Variants in LANCL2 observed in about 807,000 individuals in gnomAD.
LANCL2 encodes the protein LanC like glutathione S-transferase 2, also known as lanC-like protein 2.
A neutral mutation model predicts 56.9 loss-of-function variants in LANCL2; 33 were observed. The ratio of observed to expected loss-of-function variants is 0.58; its 90% CI spans 0.44 to 0.78. The LOEUF is 0.78. LANCL2 is among the 30% of genes least tolerant of loss of function. The pLI, the probability that LANCL2 is intolerant of heterozygous loss-of-function variation, is 0.00. For synonymous variants in LANCL2, 233 were observed against 228.2 expected (o/e 1.02, Z -0.19); for missense variants, 562 against 580.2 (o/e 0.97, Z 0.32).
At chr7:55,370,407 G>T (rs868386280) in intron 1 of LANCL2, among the ~76,000 whole-genome samples, 21 of 152,174 alleles carry the variant, frequency 1.4e-4, no homozygotes, top group Non-Finnish European at 2.8e-4. Flanking sequence ...CAAGTGGAGG[G>T]GTTATACAGG....
In LANCL2 at chr7:55,398,536, A is replaced by G; in HGVS notation, c.436A>G (p.Thr146Ala). ...TLRNLNGRRV[T>A]FLCGDAGPLA... is the part of the protein sequence containing the mutation. ...TCGGAATCTGAATGGCCGCAGGGTC[A>G]CCTTCCTCTGTGGGGATGCTGGCCC... Residue 146 changes from threonine (T) to alanine (A), a missense_variant, in exon 3 of 9, where the codon ACC (threonine) becomes GCC (alanine). By Grantham distance (58) the Thr-to-Ala change is moderately conservative. Coordinates refer to ENST00000254770, the MANE Select transcript of LANCL2 (RefSeq NM_018697.4). The G allele has an allele frequency of 6.2e-7, 1 of 1,614,168 alleles. No individual in the cohort carries two copies. Among genetic ancestry groups the G allele is most frequent in the South Asian group, 1.1e-5 (1 of 91,074 alleles).
rs940861256 is a variant in LANCL2 at position 55,398,431 on chromosome 7, C to T, written c.331C>T (p.Leu111Phe). The part of the protein sequence containing the change: ...SAYTGWTGIA[L>F]LYLQLYRVTC... ...GTGGGAAATTATTCCAGGCATAGCCCTTTTGTACCTGCAGTTGTACCGGGT... is the reference window on the plus strand; with the variant it reads ...GTGGGAAATTATTCCAGGCATAGCCTTTTTGTACCTGCAGTTGTACCGGGT... The change falls in exon 3 of 9, where the codon CTT (leucine) becomes TTT (phenylalanine). Residue 111 changes from leucine to phenylalanine, a missense_variant. Transcript: ENST00000254770. The T allele has an allele frequency of 1.2e-6, 2 of 1,613,498 alleles. No individual in the cohort carries two copies. Among genetic ancestry groups the T allele is most frequent in the Non-Finnish European group, 1.7e-6 (2 of 1,179,450 alleles).
intron 1 of LANCL2, among the ~76,000 whole-genome samples, chr7:55,390,294 C>T (rs190140764): frequency 9.2e-5 from 14 of 152,186 alleles, no homozygotes; most frequent in African/African-American, 2.9e-4. Flanking sequence ...ATTAATAGAG[C>T]AAGTAGATTT....
intron 5 of LANCL2, among the ~76,000 whole-genome samples, chr7:55,405,190 CA>C (rs11315267): frequency 0.36 from 54,828 of 152,032 alleles, 10,392 homozygotes; most frequent in East Asian, 0.55. Context: ...CCAGGGGAGC[CA>C]AATCCCAGTC....
At chr7:55,424,707 G>A (rs537321288) in intron 6 of LANCL2, among the ~76,000 whole-genome samples, 2 of 152,338 alleles carry the variant, frequency 1.3e-5, no homozygotes, top group South Asian at 2.1e-4. Context: ...CTGTGAATTG[G>A]TACTGGTCCG....
Position 55,410,617 on chromosome 7 carries a change from A to G in LANCL2, c.826-1290A>G, listed in dbSNP as rs531400153. 8.3e-4 allele frequency among the ~76,000 whole-genome samples: 126 copies of G among 152,342 alleles called. 1 individual carries two copies. The highest frequency in any genetic ancestry group is 5.9e-5 in the Non-Finnish European group (4 of 68,042). On this transcript the variant is annotated intron_variant, in intron 5 of 8. Coordinates refer to ENST00000254770, the MANE Select transcript of LANCL2 (RefSeq NM_018697.4). ...CATGTGCAATTAAAGCCAAGTGAAA[A>G]ATCAGTGGCCAGAGGCGGGTTCTCT...
At chr7:55,392,438 C>T (rs1052297027) in intron 2 of LANCL2, among the ~76,000 whole-genome samples, 12 of 150,814 alleles carry the variant, frequency 8.0e-5, no homozygotes, top group African/African-American at 2.9e-4. Flanking sequence ...ACAGCCTTGA[C>T]CTCCTGGGCT....
At chr7:55,389,200 A>T (rs1790158638) in intron 1 of LANCL2, among the ~76,000 whole-genome samples, 1 of 152,218 alleles carries the variant, frequency 6.6e-6, no homozygotes, top group Non-Finnish European at 1.5e-5. Flanking sequence ...GGTTGAATTC[A>T]TTCCAGTTTT....
chr7:55,398,412 A>G lies in LANCL2; in HGVS notation c.323-11A>G. 1.2e-6 allele frequency: 2 copies of G among 1,605,670 alleles called. No homozygotes were observed. The highest frequency in any genetic ancestry group is 2.2e-5 in the East Asian group (1 of 44,828). ...ATAATGCTTTTCTTTTGGGGTGGGA[A>G]ATTATTCCAGGCATAGCCCTTTTGT... On this transcript the variant is annotated splice_polypyrimidine_tract_variant and intron_variant, in intron 2 of 8. Coordinates refer to ENST00000254770, the MANE Select transcript of LANCL2 (RefSeq NM_018697.4).
At chr7:55,396,085 G>A (rs900112636) in intron 2 of LANCL2, among the ~76,000 whole-genome samples, 5 of 152,182 alleles carry the variant, frequency 3.3e-5, no homozygotes, top group Admixed American at 3.3e-4. Context: ...TTATGATTAC[G>A]ATCTTATGGG....
chr7:55,396,668 A>G (rs10224201), intron 2 of LANCL2, among the ~76,000 whole-genome samples: 42,226 of 151,948 alleles, frequency 0.28, 6,508 homozygotes, highest in Non-Finnish European at 0.35. Context: ...ACCTAGTGCA[A>G]CGTGTCCGCC....
Position 55,403,716 on chromosome 7 carries a change from C to T in LANCL2, c.825+2396C>T, listed in dbSNP as rs544144388. Among the ~76,000 whole-genome samples, 44 of 151,688 alleles carry T rather than the reference C, an allele frequency of 2.9e-4. 2 individuals carry two copies. The highest frequency in any genetic ancestry group is 2.2e-3 in the Admixed American group (33 of 15,230). On this transcript the variant is annotated intron_variant, in intron 5 of 8. Transcript: ENST00000254770. ...CCACCCGAGCAGCTGGGACTACAGG[C>T]GCGCACTACCACCTCCAGCTAATTT...
At chr7:55,368,951 C>T (rs1789906597) in intron 1 of LANCL2, among the ~76,000 whole-genome samples, 1 of 152,042 alleles carries the variant, frequency 6.6e-6, no homozygotes, top group Admixed American at 6.5e-5. Flanking sequence ...TCAAGACTAG[C>T]CTGGGCAACA....
intron 1 of LANCL2, among the ~76,000 whole-genome samples, chr7:55,391,389 T>G (rs1266912004): frequency 6.6e-6 from 1 of 152,210 alleles, no homozygotes; most frequent in Non-Finnish European, 1.5e-5. Flanking sequence ...TGGGGTCTAG[T>G]TATGTATTAT....
At chr7:55,387,718 T>C (rs1358755612) in intron 1 of LANCL2, among the ~76,000 whole-genome samples, 1 of 152,192 alleles carries the variant, frequency 6.6e-6, no homozygotes, top group African/African-American at 2.4e-5. Flanking sequence ...AAATTCCTTT[T>C]ATAAATTCTC....
chr7:55,409,000 GA>G (rs1007626269), intron 5 of LANCL2, among the ~76,000 whole-genome samples: 5 of 147,528 alleles, frequency 3.4e-5, no homozygotes, highest in African/African-American at 7.5e-5. Flanking sequence ...AAAAAGAAAA[GA>G]AAAAAACAGG....
chr7:55,417,190 G>A lies in LANCL2; in HGVS notation c.1008+5101G>A, dbSNP rs147700198. Among the ~76,000 whole-genome samples, 1,319 of 151,834 alleles carry A rather than the reference G, an allele frequency of 8.7e-3. 20 individuals carry two copies. Among genetic ancestry groups the A allele is most frequent in the African/African-American group, 0.03 (1,263 of 41,436 alleles). The stretch of plus-strand genomic sequence containing the variant: ...GAGATGGGGTTTCACCGTGTTAGCC[G>A]GGATGGTCTCTATCTCCTAACCTCA... On this transcript the variant is annotated intron_variant, in intron 6 of 8. Coordinates refer to ENST00000254770, the MANE Select transcript of LANCL2 (RefSeq NM_018697.4).
chr7:55,398,542 C>T lies in LANCL2; in HGVS notation c.442C>T (p.Leu148Phe), dbSNP rs1481316818. ...RNLNGRRVTF[L>F]CGDAGPLAVG... ...TCTGAATGGCCGCAGGGTCACCTTC[C>T]TCTGTGGGGATGCTGGCCCCCTGGC... Residue 148 changes from leucine to phenylalanine, a missense_variant, in exon 3 of 9, where the codon CTC (leucine) becomes TTC (phenylalanine). Around this residue, in one of 2 missense-constraint regions of LANCL2, gnomAD observed 378 missense variants for 468.4 expected, o/e 0.81. Transcript: ENST00000254770. 2 of 1,614,222 alleles carry T rather than the reference C, an allele frequency of 1.2e-6. No homozygotes were observed. Among genetic ancestry groups the T allele is most frequent in the Admixed American group, 3.3e-5 (2 of 60,034 alleles).
chr7:55,415,413 C>T (rs964359729), intron 6 of LANCL2, among the ~76,000 whole-genome samples: 1 of 152,108 alleles, frequency 6.6e-6, no homozygotes, highest in African/African-American at 2.4e-5. Flanking sequence ...GTATATATGT[C>T]AGAAAATGCT....
Sources: gnomAD v4.1 joint callset for allele counts (sites outside exome capture counted in the v4.1 genomes callset) on GRCh38, gnomAD v4.1.1 for gene constraint, gnomAD v4.1.1 regional missense constraint, MANE v1.5 for transcripts, NCBI Gene and HGNC (gene_info 2026-07-23, HGNC 2026-07-21) for gene names.